Variants in CEP43 observed in about 807,000 individuals in gnomAD.
CEP43 encodes the protein FGFR1 oncogene partner.
CEP43 carries 36 observed loss-of-function variants against 52.6 expected under a neutral mutation model. The ratio of observed to expected loss-of-function variants is 0.68; its 90% CI spans 0.52 to 0.90. The LOEUF is 0.90. CEP43 is among the 40% of genes least tolerant of loss of function. CEP43 has a pLI of 0.00. For missense variants in CEP43, 506 were observed against 472.8 expected (o/e 1.07, Z -0.65); for synonymous variants, 192 against 172.4 (o/e 1.11, Z -0.89).
chr6:167,009,524 A>C (rs1779934636), intron 5 of CEP43, among the ~76,000 whole-genome samples: 2 of 150,020 alleles, frequency 1.3e-5, no homozygotes, highest in African/African-American at 4.9e-5. Flanking sequence ...AAAAAAAAAA[A>C]AAAAATACAA....
In CEP43 at chr6:167,003,985, C is replaced by A. The variant is rs191145096; in HGVS notation, c.300+174C>A. The A allele has an allele frequency of 2.5e-5, 15 of 596,812 alleles. No homozygotes were observed. The East Asian group carries it at 4.2e-4, about 17-fold the overall frequency. 37.0% of individuals were successfully genotyped at this position (596,812 alleles called of 1,614,324 possible). A position where few individuals can be genotyped will look rare whatever the true frequency, so the allele number is the denominator to read the frequency against. The stretch of plus-strand genomic sequence containing the variant: ...ATATGAGCTTTCAGATAGCTGGCAC[C>A]AGTGTTGCTGCTTTGTGTTACTTGA... On this transcript the variant is annotated intron_variant, in intron 4 of 12. Transcript: ENST00000366847.
rs115205783 is a variant in CEP43 at position 167,010,378 on chromosome 6, T to A, written c.439-435T>A. Reference sequence around the variant, plus strand: ...GAGAGTGAACTACTATTTGAAGGGGTAAAGTATTTTTAATGAAAGTTGTTA... The same window carrying A: ...GAGAGTGAACTACTATTTGAAGGGGAAAAGTATTTTTAATGAAAGTTGTTA... On this transcript the variant is annotated intron_variant, in intron 5 of 12. Coordinates refer to ENST00000366847, the MANE Select transcript of CEP43 (RefSeq NM_007045.4). 3.5e-3 allele frequency among the ~76,000 whole-genome samples: 536 copies of A among 152,196 alleles called. 5 individuals carry two copies. Among genetic ancestry groups the A allele is most frequent in the African/African-American group, 0.012 (490 of 41,512 alleles).
At position 167,013,539 on chromosome 6, in the gene CEP43, A is replaced by G. The variant is rs1480920891; in HGVS notation, c.551A>G (p.Lys184Arg). The change falls in exon 7 of 13, where the codon AAG becomes AGG. Residue 184 changes from lysine to arginine, a missense_variant. By Grantham distance (26) the Lys-to-Arg change is conservative. Transcript: ENST00000366847. Reference protein sequence around the residue: ...IPRYKGQGKKKTSGQKAGDKK... With the variant: ...IPRYKGQGKKRTSGQKAGDKK... ...AGGTATAAAGGACAAGGTAAGAAGA[A>G]GACAAGCGGGCAGAAGGCTGGTGAC... 1.2e-6 allele frequency: 2 copies of G among 1,613,846 alleles called. No homozygotes were observed. The highest frequency in any genetic ancestry group is 1.1e-5 in the South Asian group (1 of 91,062).
At chr6:167,015,105 A>T (rs182311465) in intron 7 of CEP43, among the ~76,000 whole-genome samples, 213 of 152,352 alleles carry the variant, frequency 1.4e-3, no homozygotes, top group African/African-American at 4.9e-3. Context: ...CTTTCGCGGT[A>T]CTTTGGGCAG....
chr6:167,036,743 G>A, intron 12 of CEP43: 1 of 984,616 alleles, frequency 1.0e-6, no homozygotes, highest in African/African-American at 1.7e-5. Flanking sequence ...AACTAAGTTG[G>A]TCACTTTGAG....
chr6:167,005,226 G>C (rs2128657816), intron 5 of CEP43, among the ~76,000 whole-genome samples: 1 of 152,276 alleles, frequency 6.6e-6, no homozygotes, highest in South Asian at 2.1e-4. Context: ...GCTTGCCTGA[G>C]TACTAATTAT....
chr6:167,024,765 T>G lies in CEP43; in HGVS notation c.807-17T>G. On this transcript the variant is annotated splice_polypyrimidine_tract_variant and intron_variant, in intron 8 of 12. Coordinates refer to ENST00000366847, the MANE Select transcript of CEP43 (RefSeq NM_007045.4). ...AGAACATAAGAGCACCGATTAACTGTCCTTGTTTCTTGTTAGGAGGAAGGA... is the reference window on the plus strand; with the variant it reads ...AGAACATAAGAGCACCGATTAACTGGCCTTGTTTCTTGTTAGGAGGAAGGA... 6.3e-7 allele frequency: 1 copy of G among 1,575,300 alleles called. No homozygotes were observed. The highest frequency in any genetic ancestry group is 8.7e-7 in the Non-Finnish European group (1 of 1,147,006).
At chr6:167,016,319 G>A (rs868042943) in intron 7 of CEP43, among the ~76,000 whole-genome samples, 10 of 152,310 alleles carry the variant, frequency 6.6e-5, no homozygotes, top group Middle Eastern at 3.4e-3. Flanking sequence ...GAGTGCAGTG[G>A]TGTGATCATG....
rs1470135274 is a variant in CEP43 at position 167,039,990 on chromosome 6, G to A, written c.*12G>A. The A allele has an allele frequency of 1.9e-6, 3 of 1,613,150 alleles. No individual in the cohort carries two copies. Among genetic ancestry groups the A allele is most frequent in the Non-Finnish European group, 2.5e-6 (3 of 1,179,886 alleles). On this transcript the variant is annotated 3_prime_UTR_variant, in exon 13 of 13. Transcript: ENST00000366847. The stretch of plus-strand genomic sequence containing the variant: ...AAGATGTTGCATAGACACGAAGAAG[G>A]AAGTATTCTAATTAACAAGGACAGA...
chr6:167,011,707 G>T, intron 6 of CEP43: 1 of 154,152 alleles, frequency 6.5e-6, no homozygotes, highest in South Asian at 1.9e-4. Context: ...GGAAGTCCAA[G>T]ATCACGGCAT....
At chr6:167,035,259 T>TC (rs1780558856) in intron 12 of CEP43, among the ~76,000 whole-genome samples, 1 of 152,234 alleles carries the variant, frequency 6.6e-6, no homozygotes, top group South Asian at 2.1e-4. Context: ...TCACTGTACT[T>TC]CATCAGGAAG....
rs1408350028 is a variant in CEP43 at position 167,042,186 on chromosome 6, A to C, written c.*2208A>C. The C allele has an allele frequency of 2.0e-6, 2 of 1,007,468 alleles. No homozygotes were observed. Among genetic ancestry groups the C allele is most frequent in the African/African-American group, 1.7e-5 (1 of 57,940 alleles). The allele number at this position is 1,007,468 out of a possible 1,614,324, so 62.4% of individuals were successfully genotyped here. On this transcript the variant is annotated 3_prime_UTR_variant, in exon 13 of 13. Coordinates refer to ENST00000366847, the MANE Select transcript of CEP43 (RefSeq NM_007045.4). ...TCAACTATGAAAAAGCTTTCTTTTC[A>C]CATGTACTTTTTGATTAGGTATTAT... is the stretch of plus-strand genomic sequence containing the variant.
intron 2 of CEP43, among the ~76,000 whole-genome samples, chr6:167,000,982 C>G (rs1384433603): frequency 6.6e-6 from 1 of 152,234 alleles, no homozygotes; most frequent in Non-Finnish European, 1.5e-5. Flanking sequence ...CAGGTACCAA[C>G]CTGGTTAGGT....
At chr6:167,014,993 T>C (rs1780062185) in intron 7 of CEP43, among the ~76,000 whole-genome samples, 1 of 152,256 alleles carries the variant, frequency 6.6e-6, no homozygotes, top group Admixed American at 6.5e-5. Context: ...TTCAAACAAC[T>C]TAAACATTTT....
At chr6:167,008,867 T>C (rs1245600301) in intron 5 of CEP43, among the ~76,000 whole-genome samples, 1 of 152,116 alleles carries the variant, frequency 6.6e-6, no homozygotes, top group Non-Finnish European at 1.5e-5. Flanking sequence ...GGAGGTTAGA[T>C]TGGTAAAATA....
intron 12 of CEP43, among the ~76,000 whole-genome samples, chr6:167,034,211 G>A (rs1780534302): frequency 6.6e-6 from 1 of 152,152 alleles, no homozygotes. Flanking sequence ...GATTATTCCT[G>A]GGGCACTGGG....
Position 167,042,435 on chromosome 6 carries a change from T to C in CEP43, c.*2457T>C. Reference sequence around the variant, plus strand: ...TTGTTGATATTCGGTTGTGCTTTTATACTTTATGTTGGATAACAACCTGTG... The same window carrying C: ...TTGTTGATATTCGGTTGTGCTTTTACACTTTATGTTGGATAACAACCTGTG... On this transcript the variant is annotated 3_prime_UTR_variant, in exon 13 of 13. Transcript: ENST00000366847. The C allele has an allele frequency of 2.2e-6, 2 of 923,172 alleles. No homozygotes were observed. Among genetic ancestry groups the C allele is most frequent in the Non-Finnish European group, 2.6e-6 (2 of 770,778 alleles). 57.2% of individuals were successfully genotyped at this position (923,172 alleles called of 1,614,324 possible).
intron 12 of CEP43, among the ~76,000 whole-genome samples, chr6:167,039,224 G>C (rs776736463): frequency 6.6e-6 from 1 of 152,064 alleles, no homozygotes; most frequent in Non-Finnish European, 1.5e-5. Context: ...CTGCCTCCTG[G>C]GTTCAAGCGA....
rs1303684929 is a variant in CEP43 at position 167,047,717 on chromosome 6, C to T, written c.*7739C>T. The T allele has an allele frequency of 3.9e-5, 6 of 152,146 alleles. No individual in the cohort carries two copies. The highest frequency in any genetic ancestry group is 7.2e-5 in the African/African-American group (3 of 41,436). The allele number at this position is 152,146 out of a possible 1,614,324, so 9.4% of individuals were successfully genotyped here. On this transcript the variant is annotated 3_prime_UTR_variant, in exon 13 of 13. Transcript: ENST00000366847. ...CCTCCTCAAAGCTCTCGCCCCGCGC[C>T]GAGCTACTGTGATGTATTTTTATGA... is the stretch of plus-strand genomic sequence containing the variant.
Sources: gnomAD v4.1 joint callset for allele counts (sites outside exome capture counted in the v4.1 genomes callset) on GRCh38, gnomAD v4.1.1 for gene constraint, MANE v1.5 for transcripts, NCBI Gene and HGNC (gene_info 2026-07-23, HGNC 2026-07-21) for gene names.